Variants in MAPK10 observed in about 807,000 individuals in gnomAD.
MAPK10 encodes mitogen-activated protein kinase 10.
Under a neutral mutation model 59.3 loss-of-function variants are expected in MAPK10, and 25 were observed. That is an observed-to-expected ratio of 0.42 (90% CI 0.31 to 0.59). The LOEUF (loss-of-function observed/expected upper bound fraction) is 0.59, where lower values mean the gene tolerates loss of function less well. MAPK10 is among the 20% of genes least tolerant of loss of function. The probability of loss-of-function intolerance (pLI) is 0.15; values close to 1 mark genes in which losing one functional copy is unlikely to be tolerated. For missense variants in MAPK10, 351 were observed against 568.9 expected (o/e 0.62, Z 3.90); for synonymous variants, 190 against 200.5 (o/e 0.95, Z 0.44).
rs193159097 is a variant in MAPK10, at chr4:86,171,470, A to G, written c.67-12003T>C. On this transcript the variant is annotated intron_variant, in intron 3 of 13. Transcript: ENST00000641462. ...TTGACAAACCTGAGAAAAACAAGCA[A>G]TGGGGAAAGGATTCCCTATTTAACA... is the stretch of plus-strand genomic sequence containing the variant. 8.5e-3 allele frequency among the ~76,000 whole-genome samples: 1,300 copies of G among 152,118 alleles called. 7 individuals carry two copies. The highest frequency in any genetic ancestry group is 0.027 in the Middle Eastern group (8 of 294).
At chr4:86,301,742 C>T (rs2095476375) in intron 2 of MAPK10, among the ~76,000 whole-genome samples, 1 of 152,086 alleles carries the variant, frequency 6.6e-6, no homozygotes, top group Non-Finnish European at 1.5e-5. Flanking sequence ...AACTTATGCT[C>T]CAGAGAGAAA....
chr4:86,255,980 A>G (rs938842226), intron 2 of MAPK10, among the ~76,000 whole-genome samples: 5 of 152,206 alleles, frequency 3.3e-5, no homozygotes, highest in Admixed American at 3.3e-4. Flanking sequence ...AAGAAGGGAA[A>G]AAAAGAATAG....
At chr4:86,429,678 C>T (rs2149039747) in intron 1 of MAPK10, 1 of 152,134 alleles carries the variant, frequency 6.6e-6, no homozygotes, top group Admixed American at 6.5e-5. Flanking sequence ...TGGTGCATAC[C>T]TGTAGTCCCA....
chr4:86,137,283 A>G (rs180861200), intron 4 of MAPK10, among the ~76,000 whole-genome samples: 38 of 151,970 alleles, frequency 2.5e-4, no homozygotes, highest in Non-Finnish European at 3.8e-4. Flanking sequence ...TATACTTGGA[A>G]GTAAAGCTGT....
intron 9 of MAPK10, chr4:86,080,994 T>C (rs1007933583): frequency 6.6e-6 from 1 of 151,930 alleles, no homozygotes; most frequent in East Asian, 1.9e-4. Flanking sequence ...AAATGAAAGG[T>C]ATTTACCTTA....
intron 1 of MAPK10, among the ~76,000 whole-genome samples, chr4:86,569,736 G>A (rs1761321424): frequency 6.6e-6 from 1 of 152,086 alleles, no homozygotes; most frequent in Non-Finnish European, 1.5e-5. Flanking sequence ...ACTTATATGT[G>A]AGAGCTAAAC....
In MAPK10 at chr4:86,159,300, A is replaced by G. The variant is rs148101004; in HGVS notation, c.234T>C (p.Val78=). 1 of 1,600,200 alleles carries G rather than the reference A, an allele frequency of 6.2e-7. No individual in the cohort carries two copies. The highest frequency in any genetic ancestry group is 8.5e-7 in the Non-Finnish European group (1 of 1,173,628). ...TACAGCAAATCCATTCCGCTTACCAAACTATGCCCTGAGCCCCAGAGCCAA... is the reference window on the plus strand; with the variant it reads ...TACAGCAAATCCATTCCGCTTACCAGACTATGCCCTGAGCCCCAGAGCCAA... ...KPIGSGAQGI[V]CAAYDAVLDR... The change falls in exon 4 of 14, where the codon GTT becomes GTC. Residue 78 remains valine (V), a splice_region_variant and synonymous_variant. Coordinates refer to ENST00000641462, the MANE Select transcript of MAPK10 (RefSeq NM_138982.4).
chr4:86,202,547 C>T (rs1426531539), intron 2 of MAPK10, among the ~76,000 whole-genome samples: 1 of 151,796 alleles, frequency 6.6e-6, no homozygotes, highest in African/African-American at 2.4e-5. Context: ...AAATTATCTC[C>T]TCATATTGAA....
At chr4:86,299,240 G>A (rs1009119104) in intron 2 of MAPK10, among the ~76,000 whole-genome samples, 1 of 152,076 alleles carries the variant, frequency 6.6e-6, no homozygotes, top group African/African-American at 2.4e-5. Flanking sequence ...AAATTAAAAG[G>A]AAAAGAGATT....
chr4:86,380,360 G>A (rs1481092499), intron 1 of MAPK10, among the ~76,000 whole-genome samples: 2 of 152,184 alleles, frequency 1.3e-5, no homozygotes, highest in East Asian at 3.9e-4. Context: ...CCTGACATCA[G>A]CACTCCTCTG....
chr4:86,545,797 C>T (rs1431042796), intron 1 of MAPK10, among the ~76,000 whole-genome samples: 14 of 152,180 alleles, frequency 9.2e-5, no homozygotes. Context: ...CTAAATATAT[C>T]CAAGTGGAAT....
In MAPK10 at chr4:86,369,318, C is replaced by T. The variant is rs1052719513; in HGVS notation, c.-121-14674G>A. On this transcript the variant is annotated intron_variant, in intron 1 of 13. Coordinates refer to the MAPK10 transcript ENST00000361569. Reference sequence around the variant, plus strand: ...TTTATAAACAAGTCTGCCATCACTACTTGCTAAAAATTTCTAATATTAAAG... The same window carrying T: ...TTTATAAACAAGTCTGCCATCACTATTTGCTAAAAATTTCTAATATTAAAG... Among the ~76,000 whole-genome samples the T allele has an allele frequency of 3.3e-5, 5 of 152,160 alleles. No individual in the cohort carries two copies. The South Asian group carries it at 8.3e-4, about 25-fold the overall frequency.
chr4:86,134,863 C>T (rs911704075), intron 4 of MAPK10, among the ~76,000 whole-genome samples: 2 of 152,200 alleles, frequency 1.3e-5, no homozygotes, highest in African/African-American at 4.8e-5. Flanking sequence ...CGAGGCATTG[C>T]CTCACTCGGG....
At chr4:86,247,297 C>T (rs1260407155) in intron 2 of MAPK10, among the ~76,000 whole-genome samples, 3 of 152,196 alleles carry the variant, frequency 2.0e-5, no homozygotes. Context: ...CTGAGAAATA[C>T]TGGTATAATT....
intron 1 of MAPK10, among the ~76,000 whole-genome samples, chr4:86,415,604 A>G (rs1745768247): frequency 6.6e-6 from 1 of 152,236 alleles, no homozygotes; most frequent in Non-Finnish European, 1.5e-5. Context: ...ATTTGATACC[A>G]TTACAGAGTC....
chr4:86,555,465 G>T (rs1279862586), intron 1 of MAPK10, among the ~76,000 whole-genome samples: 2 of 152,140 alleles, frequency 1.3e-5, no homozygotes, highest in Admixed American at 6.5e-5. Flanking sequence ...GGAAAGTAGG[G>T]ATTATAGGTT....
intron 1 of MAPK10, among the ~76,000 whole-genome samples, chr4:86,415,154 A>AAC (rs1745706264): frequency 6.8e-6 from 1 of 146,768 alleles, no homozygotes; most frequent in Admixed American, 6.8e-5. Flanking sequence ...AAAAAAAAAA[A>AAC]AACTTCCATT....
intron 1 of MAPK10, among the ~76,000 whole-genome samples, chr4:86,479,128 C>G (rs912256022): frequency 6.6e-6 from 1 of 152,222 alleles, no homozygotes; most frequent in East Asian, 1.9e-4. Context: ...AAATGACCCA[C>G]CACGGTCATT....
At chr4:86,579,799 T>TA (rs1266470647) in intron 1 of MAPK10, among the ~76,000 whole-genome samples, 6 of 152,078 alleles carry the variant, frequency 3.9e-5, no homozygotes, top group African/African-American at 1.4e-4. Flanking sequence ...AAATCAGATG[T>TA]ATGTTTTCTA....
Sources: gnomAD v4.1 joint callset for allele counts (sites outside exome capture counted in the v4.1 genomes callset) on GRCh38, gnomAD v4.1.1 for gene constraint, MANE v1.5 for transcripts, NCBI Gene and HGNC (gene_info 2026-07-23, HGNC 2026-07-21) for gene names.